GMDS: variants seen among roughly 807,000 people sequenced by gnomAD.
The protein encoded by GMDS is GDP-mannose 4,6 dehydratase.
In GMDS, 20 loss-of-function variants were observed where a neutral mutation model predicts 49.9. The observed-to-expected ratio is 0.40, with a 90% CI of 0.28 to 0.58. The LOEUF (loss-of-function observed/expected upper bound fraction) is 0.58, where lower values mean the gene tolerates loss of function less well. Ranked by LOEUF, GMDS falls within the 20% of genes least tolerant of loss-of-function variation. The pLI is 0.42. For missense variants in GMDS, 362 were observed against 481.4 expected (o/e 0.75, Z 2.32); for synonymous variants, 177 against 178.6 (o/e 0.99, Z 0.07).
intron 9 of GMDS, among the ~76,000 whole-genome samples, chr6:1,675,536 C>G (rs1488130784): frequency 2.0e-5 from 3 of 152,078 alleles, no homozygotes; most frequent in East Asian, 1.9e-4. Flanking sequence ...TGGGGGAAAG[C>G]ATCTAGTTTC....
At chr6:2,222,321 C>T (rs1297445508) in intron 1 of GMDS, among the ~76,000 whole-genome samples, 1 of 152,162 alleles carries the variant, frequency 6.6e-6, no homozygotes, top group Admixed American at 6.5e-5. Flanking sequence ...GAGACCACAC[C>T]CTGGTGCAGT....
intron 4 of GMDS, among the ~76,000 whole-genome samples, chr6:2,044,456 G>C (rs6935616): frequency 0.28 from 42,913 of 152,034 alleles, 6,167 homozygotes; most frequent in African/African-American, 0.32. Context: ...CAAACTACTG[G>C]AGGAACAGGA....
At chr6:2,201,692 A>G (rs1779542250) in intron 1 of GMDS, among the ~76,000 whole-genome samples, 1 of 118,210 alleles carries the variant, frequency 8.5e-6, no homozygotes, top group Non-Finnish European at 1.8e-5. Flanking sequence ...AGAGAGCACC[A>G]CATGGGCATC....
At chr6:1,835,945 C>T (rs1449668759) in intron 7 of GMDS, among the ~76,000 whole-genome samples, 4 of 151,994 alleles carry the variant, frequency 2.6e-5, no homozygotes, top group East Asian at 1.9e-4. Context: ...AGTGCAGTAG[C>T]GCTATCTGTA....
intron 1 of GMDS, among the ~76,000 whole-genome samples, chr6:2,215,226 G>A (rs1780268919): frequency 6.6e-6 from 1 of 152,074 alleles, no homozygotes; most frequent in East Asian, 1.9e-4. Context: ...GACACATACA[G>A]AGATAGAGAC....
chr6:1,773,907 G>A (rs1302473316), intron 7 of GMDS, among the ~76,000 whole-genome samples: 3 of 152,176 alleles, frequency 2.0e-5, no homozygotes, highest in Non-Finnish European at 4.4e-5. Flanking sequence ...TTACTATTGG[G>A]TCAAAAGTTC....
intron 7 of GMDS, among the ~76,000 whole-genome samples, chr6:1,871,549 A>G (rs1489898227): frequency 6.6e-6 from 1 of 152,222 alleles, no homozygotes; most frequent in Non-Finnish European, 1.5e-5. Flanking sequence ...GAATTTTTCT[A>G]TCCTTCTTTG....
chr6:2,165,330 C>T (rs756695131), intron 1 of GMDS, among the ~76,000 whole-genome samples: 6 of 152,244 alleles, frequency 3.9e-5, no homozygotes, highest in African/African-American at 7.2e-5. Flanking sequence ...TAGTTCCTGT[C>T]TGAAAGCCAG....
At chr6:2,237,895 A>T (rs933071653) in intron 1 of GMDS, among the ~76,000 whole-genome samples, 9 of 152,296 alleles carry the variant, frequency 5.9e-5, no homozygotes, top group Middle Eastern at 6.8e-3. Flanking sequence ...AGAAAACTGA[A>T]ATATACTAAG....
chr6:1,785,552 C>T (rs112794670), intron 7 of GMDS, among the ~76,000 whole-genome samples: 4,804 of 152,302 alleles, frequency 0.032, 251 homozygotes, highest in African/African-American at 0.11. Flanking sequence ...GCCCTCGCCA[C>T]GTGGGCCCCC....
intron 7 of GMDS, among the ~76,000 whole-genome samples, chr6:1,793,893 GTTTAAAATATAATGTGC>G (rs1360862838): frequency 1.3e-5 from 2 of 152,148 alleles, no homozygotes; most frequent in Non-Finnish European, 2.9e-5. Flanking sequence ...TTTGTACTCA[GTTTAAAATATAATGTGC>G]TTAGGTCTAT....
At chr6:2,222,499 G>C (rs9503127) in intron 1 of GMDS, among the ~76,000 whole-genome samples, 28,042 of 152,164 alleles carry the variant, frequency 0.18, 2,770 homozygotes, top group South Asian at 0.29. Context: ...ACTGGTGAAT[G>C]TAAACAATAG....
chr6:2,028,864 C>A lies in GMDS; in HGVS notation c.346-67898G>T, dbSNP rs1034022911. On this transcript the variant is annotated intron_variant, in intron 4 of 10. Coordinates refer to ENST00000380815, the MANE Select transcript of GMDS (RefSeq NM_001500.4). Reference sequence around the variant, plus strand: ...CTAACGACTATATTCCAGTTAACAGCTGTAATTACTGGTGTGATGATTGTA... The same window carrying A: ...CTAACGACTATATTCCAGTTAACAGATGTAATTACTGGTGTGATGATTGTA... Among the ~76,000 whole-genome samples the A allele has an allele frequency of 7.2e-5, 11 of 152,054 alleles. 1 individual carries two copies. The highest frequency in any genetic ancestry group is 6.6e-4 in the Admixed American group (10 of 15,258).
At chr6:1,919,116 T>A (rs965146726) in intron 7 of GMDS, among the ~76,000 whole-genome samples, 2 of 152,176 alleles carry the variant, frequency 1.3e-5, no homozygotes, top group African/African-American at 4.8e-5. Flanking sequence ...TTACTGGGCA[T>A]CTGTTATGTG....
intron 7 of GMDS, among the ~76,000 whole-genome samples, chr6:1,876,023 A>AAAAAG (rs1451530516): frequency 6.6e-6 from 1 of 151,438 alleles, no homozygotes. Context: ...CTCAAAAAAA[A>AAAAAG]AAAAGAAAAG....
chr6:1,883,692 G>A (rs1465463787), intron 7 of GMDS, among the ~76,000 whole-genome samples: 2 of 151,960 alleles, frequency 1.3e-5, no homozygotes, highest in Non-Finnish European at 2.9e-5. Context: ...AGCTCCCCTC[G>A]TACTGAAAGA....
chr6:1,802,919 A>G (rs972213802), intron 7 of GMDS, among the ~76,000 whole-genome samples: 5 of 152,206 alleles, frequency 3.3e-5, no homozygotes, highest in African/African-American at 1.2e-4. Context: ...CTCAAAGTGC[A>G]CTTCCTTGGA....
intron 4 of GMDS, among the ~76,000 whole-genome samples, chr6:2,094,362 T>C (rs549147678): frequency 6.6e-6 from 1 of 152,350 alleles, no homozygotes; most frequent in South Asian, 2.1e-4. Context: ...TAGGTCCAAA[T>C]ATTAACTGTA....
intron 1 of GMDS, among the ~76,000 whole-genome samples, chr6:2,242,514 C>T (rs147162561): frequency 1.6e-3 from 244 of 152,322 alleles, no homozygotes; most frequent in African/African-American, 5.6e-3. Context: ...TATTCTCAAG[C>T]GGGAATTTGG....
Sources: gnomAD v4.1 joint callset for allele counts (sites outside exome capture counted in the v4.1 genomes callset) on GRCh38, gnomAD v4.1.1 for gene constraint, MANE v1.5 for transcripts, NCBI Gene and HGNC (gene_info 2026-07-23, HGNC 2026-07-21) for gene names.